The following KCNK18 variants were observed in gnomAD, a reference collection of about 807,000 sequenced individuals.
The protein encoded by KCNK18 is potassium two pore domain channel subfamily K member 18.
In KCNK18, 8 loss-of-function variants were observed where a neutral mutation model predicts 11.8. That is an observed-to-expected ratio of 0.68 (90% confidence interval 0.40 to 1.22). The LOEUF is 1.22. KCNK18 is among the 50% of genes most tolerant of loss of function. KCNK18 has a pLI of 0.01. For synonymous variants in KCNK18, 208 were observed against 185.8 expected, an observed-to-expected ratio of 1.12 and a Z score of -0.97; for missense variants, 442 against 465.4, an observed-to-expected ratio of 0.95 and a Z score of 0.46.
intron 1 of KCNK18, 134 bp from the exon 2 acceptor site, chr10:117,201,025 A>G: frequency 9.8e-7 from 1 of 1,017,052 alleles, no homozygotes. Context: ...CCGACCACCG[A>G]GCTTTGGTGT....
intron 2 of KCNK18, among the ~76,000 whole-genome samples, chr10:117,201,629 G>T (rs2133702526): frequency 6.6e-6 from 1 of 152,328 alleles, no homozygotes; most frequent in East Asian, 1.9e-4. Flanking sequence ...CTTGGGTCTA[G>T]ACCCAGCACC....
chr10:117,209,652 CCTTT>C lies in KCNK18; in HGVS notation c.513_516del (p.Phe171LeufsTer63), dbSNP rs780938248. On this transcript the variant is annotated frameshift_variant, in exon 3 of 3. Coordinates refer to ENST00000334549, the MANE Select transcript of KCNK18 (RefSeq NM_181840.1). LOFTEE classifies it low-confidence loss of function (END_TRUNC). ...ATCTTATAATCGGTTCCGAAAATTC[CCTTT>C]CTTTACCCGCCCCCTCCTCTCCAAG... is the stretch of plus-strand genomic sequence containing the variant. 1.1e-5 allele frequency: 17 copies of C among 1,614,014 alleles called. No individual in the cohort carries two copies. Among genetic ancestry groups the C allele is most frequent in the South Asian group, 6.6e-5 (6 of 91,084 alleles).
rs373529144 is a variant in KCNK18, at chr10:117,197,582, A to C, written c.94A>C (p.Thr32Pro). ...CCTCTGCTTCCTCTGCTTTCTGGTG[A>C]CCTACGCCCTGGTGGGTGCTGTGGT... ...PGLCFLCFLV[T>P]YALVGAVVFS... The change falls in exon 1 of 3, where the codon ACC becomes CCC. Residue 32 changes from threonine (T) to proline (P), a missense_variant. Coordinates refer to ENST00000334549, the MANE Select transcript of KCNK18 (RefSeq NM_181840.1). 2 of 1,613,974 alleles carry C rather than the reference A, an allele frequency of 1.2e-6. No individual in the cohort carries two copies. The highest frequency in any genetic ancestry group is 1.7e-6 in the Non-Finnish European group (2 of 1,180,024).
chr10:117,208,696 C>T (rs184854080), intron 2 of KCNK18, among the ~76,000 whole-genome samples: 1 of 152,052 alleles, frequency 6.6e-6, no homozygotes, highest in Admixed American at 6.6e-5. Flanking sequence ...ACAATAAGTG[C>T]CTCTTAGAAA....
rs774477725 is a variant in KCNK18, at chr10:117,209,744, T to C, written c.600T>C (p.Pro200=). 1.2e-6 allele frequency: 2 copies of C among 1,613,994 alleles called. No individual in the cohort carries two copies. Among genetic ancestry groups the C allele is most frequent in the Non-Finnish European group, 1.7e-6 (2 of 1,180,004 alleles). The part of the protein sequence containing the change: ...PDPKPADEAV[P]QIIISAEELP... ...CCAAGCCCGCAGATGAAGCTGTCCCTCAGATCATCATCAGTGCTGAAGAGC... is the reference window on the plus strand; with the variant it reads ...CCAAGCCCGCAGATGAAGCTGTCCCCCAGATCATCATCAGTGCTGAAGAGC... The change falls in exon 3 of 3, where the codon CCT becomes CCC. Residue 200 remains proline, a synonymous_variant. Coordinates refer to ENST00000334549, the MANE Select transcript of KCNK18 (RefSeq NM_181840.1).
rs528686489 is a variant in KCNK18 at position 117,210,080 on chromosome 10, T to C, written c.936T>C (p.Asn312=). ...GGGAGACACAGTTGGATTTCGAGAA[T>C]GCCTTCTATTTCTGCTTTGTCACAC... ...PFWETQLDFE[N]AFYFCFVTLT... The change falls in exon 3 of 3, where the codon AAT becomes AAC. Residue 312 remains asparagine (N), a synonymous_variant. Coordinates refer to ENST00000334549, the MANE Select transcript of KCNK18 (RefSeq NM_181840.1). 6.2e-7 allele frequency: 1 copy of C among 1,614,184 alleles called. No individual in the cohort carries two copies. Among genetic ancestry groups the C allele is most frequent in the South Asian group, 1.1e-5 (1 of 91,088 alleles).
intron 2 of KCNK18, among the ~76,000 whole-genome samples, chr10:117,207,975 T>A (rs1486122106): frequency 6.6e-6 from 1 of 152,186 alleles, no homozygotes; most frequent in African/African-American, 2.4e-5. Context: ...CCACCTGCGC[T>A]GTGGGGTTTG....
intron 1 of KCNK18, among the ~76,000 whole-genome samples, chr10:117,200,545 C>T (rs923250343): frequency 3.3e-5 from 5 of 152,216 alleles, no homozygotes; most frequent in Admixed American, 3.3e-4. Flanking sequence ...CGGTGGCTCA[C>T]GCCTATAATC....
chr10:117,197,645 G>A lies in KCNK18; in HGVS notation c.157G>A (p.Ala53Thr). Residue 53 changes from alanine to threonine, a missense_variant, in exon 1 of 3, where the codon GCA becomes ACA. Ala to Thr is a moderately conservative substitution (Grantham distance 58). Coordinates refer to ENST00000334549, the MANE Select transcript of KCNK18 (RefSeq NM_181840.1). The stretch of plus-strand genomic sequence containing the variant: ...TGAGGACGGCCAGGTCCTGGTGGCA[G>A]CAGATGATGGAGAGTTTGAGAAGTT... Reference protein sequence around the residue: ...AIEDGQVLVAADDGEFEKFLE... With the variant: ...AIEDGQVLVATDDGEFEKFLE... The A allele has an allele frequency of 6.2e-7, 1 of 1,614,228 alleles. No individual in the cohort carries two copies. Among genetic ancestry groups the A allele is most frequent in the South Asian group, 1.1e-5 (1 of 91,082 alleles).
In KCNK18 at chr10:117,209,556, C is replaced by A. The variant is rs1306286525; in HGVS notation, c.412C>A (p.Leu138Ile). The A allele has an allele frequency of 2.5e-6, 4 of 1,614,034 alleles. No individual in the cohort carries two copies. The highest frequency in any genetic ancestry group is 3.4e-6 in the Non-Finnish European group (4 of 1,179,924). Residue 138 changes from leucine to isoleucine, a missense_variant, in exon 3 of 3, where the codon CTC becomes ATC. Coordinates refer to ENST00000334549, the MANE Select transcript of KCNK18 (RefSeq NM_181840.1). ...CAAGTACTTGTGCATGCTCTATGCT[C>A]TCTTTGGTATCCCCCTGATGTTCCT... The part of the protein sequence containing the change: ...LGKYLCMLYA[L>I]FGIPLMFLVL...
chr10:117,207,064 C>G (rs1312822580), intron 2 of KCNK18, among the ~76,000 whole-genome samples: 1 of 151,990 alleles, frequency 6.6e-6, no homozygotes, highest in African/African-American at 2.4e-5. Context: ...AGTCTCGCTC[C>G]GTTGCCCAGG....
At position 117,209,621 on chromosome 10, in the gene KCNK18, A is replaced by C. The variant is rs1332018607; in HGVS notation, c.477A>C (p.Leu159Phe). The change falls in exon 3 of 3, where the codon TTA becomes TTC. Residue 159 changes from leucine to phenylalanine, a missense_variant. By Grantham distance (22) the Leu-to-Phe change is conservative. Transcript: ENST00000334549. ...CAGGCGACATCCTGGCAACCATCTT[A>C]TCTACATCTTATAATCGGTTCCGAA... ...TDTGDILATI[L>F]STSYNRFRKF... 4.3e-6 allele frequency: 7 copies of C among 1,613,906 alleles called. No individual in the cohort carries two copies. Among genetic ancestry groups the C allele is most frequent in the Non-Finnish European group, 5.9e-6 (7 of 1,180,008 alleles).
chr10:117,201,010 G>A (rs1400342799), intron 1 of KCNK18, 149 bp from the exon 2 acceptor site: 1 of 888,788 alleles, frequency 1.1e-6, no homozygotes, highest in African/African-American at 1.6e-5. Context: ...TTTTAAAGGA[G>A]GACTCCGACC....
chr10:117,197,541 G>C lies in KCNK18; in HGVS notation c.53G>C (p.Gly18Ala). The C allele has an allele frequency of 1.9e-6, 3 of 1,614,202 alleles. No homozygotes were observed. Among genetic ancestry groups the C allele is most frequent in the Non-Finnish European group, 2.5e-6 (3 of 1,180,048 alleles). ...QARRCCPEAL[G>A]KLFPGLCFLC... ...AGGAGATGCTGCCCAGAGGCCCTGGGAAAGCTCTTCCCTGGCCTCTGCTTC... is the reference window on the plus strand; with the variant it reads ...AGGAGATGCTGCCCAGAGGCCCTGGCAAAGCTCTTCCCTGGCCTCTGCTTC... Residue 18 changes from glycine (G) to alanine (A), a missense_variant, in exon 1 of 3, where the codon GGA becomes GCA. Gly to Ala is a moderately conservative substitution (Grantham distance 60). Transcript: ENST00000334549.
intron 2 of KCNK18, among the ~76,000 whole-genome samples, chr10:117,203,860 T>C (rs1270573893): frequency 6.6e-6 from 1 of 152,180 alleles, no homozygotes; most frequent in African/African-American, 2.4e-5. Flanking sequence ...TTTTGTATTT[T>C]TGTAGAAATG....
At position 117,201,223 on chromosome 10, in the gene KCNK18, C is replaced by T. The variant is rs1855010377; in HGVS notation, c.288C>T (p.Asn96=). The T allele has an allele frequency of 6.2e-7, 1 of 1,613,914 alleles. No homozygotes were observed. The highest frequency in any genetic ancestry group is 8.5e-7 in the Non-Finnish European group (1 of 1,179,764). The part of the protein sequence containing the change: ...HLQKVKPQWF[N]RTTHWSFLSS... ...AGAAGGTGAAGCCTCAGTGGTTTAA[C>T]AGGACCACACACTGGTCCTTCCTGA... Residue 96 remains asparagine (N), a synonymous_variant, in exon 2 of 3, where the codon AAC becomes AAT. Transcript: ENST00000334549.
At chr10:117,201,354 A>T in intron 2 of KCNK18, 67 bp downstream of exon 2, 4 of 1,573,050 alleles carry the variant, frequency 2.5e-6, no homozygotes, top group Non-Finnish European at 3.5e-6. Flanking sequence ...GTGGCAAAGG[A>T]CACTGGAATT....
In KCNK18 at chr10:117,209,846, A is replaced by G. The variant is rs1266927103; in HGVS notation, c.702A>G (p.Leu234=). The G allele has an allele frequency of 1.2e-6, 2 of 1,614,192 alleles. No individual in the cohort carries two copies. Among genetic ancestry groups the G allele is most frequent in the Non-Finnish European group, 1.7e-6 (2 of 1,180,034 alleles). The stretch of plus-strand genomic sequence containing the variant: ...AGCTGTTTGAGAGATCTCATGCGCT[A>G]GAGAAACAGAACACACTGCAACTGC... ...SMELFERSHA[L]EKQNTLQLPP... is the part of the protein sequence containing the mutation. The change falls in exon 3 of 3, where the codon CTA becomes CTG. Residue 234 remains leucine, a synonymous_variant. Transcript: ENST00000334549.
At chr10:117,199,390 G>A (rs1331682992) in intron 1 of KCNK18, among the ~76,000 whole-genome samples, 1 of 152,146 alleles carries the variant, frequency 6.6e-6, no homozygotes, top group Non-Finnish European at 1.5e-5. Flanking sequence ...ACACAGAGCT[G>A]GTCCCACTCC....
Sources: allele counts gnomAD v4.1 joint callset (sites outside exome capture counted in the v4.1 genomes callset), GRCh38; gene constraint gnomAD v4.1.1; transcripts MANE v1.5; gene names NCBI Gene and HGNC (gene_info 2026-07-23, HGNC 2026-07-21).